Variants in SCGB2B2 observed in about 807,000 individuals in gnomAD.
SCGB2B2 encodes the protein secretoglobin family 2B member 2.
In SCGB2B2, 11 loss-of-function variants were observed where a neutral mutation model predicts 7.6. The ratio of observed to expected loss-of-function variants is 1.45; its 90% confidence interval spans 0.91 to 2.40. SCGB2B2 has a LOEUF of 2.40. SCGB2B2 is among the 30% of genes most tolerant of loss of function. The pLI, the probability that SCGB2B2 is intolerant of heterozygous loss-of-function variation, is 0.00. For synonymous variants in SCGB2B2, 50 were observed against 48.6 expected (o/e 1.03, Z -0.12); for missense variants, 104 against 115.4 (o/e 0.90, Z 0.45).
intron 1 of SCGB2B2, among the ~76,000 whole-genome samples, chr19:34,606,338 A>C (rs1013841514): frequency 6.6e-6 from 1 of 152,080 alleles, no homozygotes; most frequent in African/African-American, 2.4e-5. Context: ...AGTCAGCCAG[A>C]CTCAAAGGCT....
At chr19:34,631,202 C>T (rs2066523320) in intron 1 of SCGB2B2, among the ~76,000 whole-genome samples, 1 of 151,736 alleles carries the variant, frequency 6.6e-6, no homozygotes, top group South Asian at 2.1e-4. Context: ...CAACATGGCA[C>T]ATGTATACAT....
chr19:34,661,792 T>C (rs1250550013), intron 1 of SCGB2B2, among the ~76,000 whole-genome samples: 1 of 152,112 alleles, frequency 6.6e-6, no homozygotes, highest in Non-Finnish European at 1.5e-5. Flanking sequence ...CAACACAAAT[T>C]TGTAAACTTT....
At position 34,593,036 on chromosome 19, in the gene SCGB2B2, A is replaced by G. The variant is rs1245652622; in HGVS notation, c.*519T>C. ...GATTTCCTGGGTTCCGAAAACAGGC[A>G]TATCGACTGGACACAGTGGCTCATG... On this transcript the variant is annotated 3_prime_UTR_variant, in exon 4 of 4. Transcript: ENST00000601241. Among the ~76,000 whole-genome samples the G allele has an allele frequency of 2.0e-5, 3 of 152,138 alleles. No individual in the cohort carries two copies. Among genetic ancestry groups the G allele is most frequent in the Non-Finnish European group, 2.9e-5 (2 of 68,018 alleles).
chr19:34,610,284 G>C (rs981279642), intron 1 of SCGB2B2, among the ~76,000 whole-genome samples: 3 of 151,866 alleles, frequency 2.0e-5, no homozygotes, highest in Non-Finnish European at 2.9e-5. Flanking sequence ...TCCTATCCAG[G>C]CTGTATGCTC....
chr19:34,621,988 G>A (rs780196414), intron 1 of SCGB2B2, among the ~76,000 whole-genome samples: 66 of 152,166 alleles, frequency 4.3e-4, no homozygotes, highest in Admixed American at 9.2e-4. Context: ...CCTGATCTTT[G>A]AGGAGGTGAT....
At chr19:34,670,111 C>T (rs1157519956) in intron 1 of SCGB2B2, among the ~76,000 whole-genome samples, 4 of 152,086 alleles carry the variant, frequency 2.6e-5, no homozygotes, top group African/African-American at 4.8e-5. Context: ...AAGAGGTAAT[C>T]GGGGCTATAG....
chr19:34,651,481 G>C (rs1282127641), intron 1 of SCGB2B2, among the ~76,000 whole-genome samples: 1 of 151,008 alleles, frequency 6.6e-6, no homozygotes, highest in East Asian at 1.9e-4. Context: ...ACCATTCCTG[G>C]ACATCAACAA....
At chr19:34,621,131 A>G (rs1435698524) in intron 1 of SCGB2B2, among the ~76,000 whole-genome samples, 2 of 152,224 alleles carry the variant, frequency 1.3e-5, no homozygotes, top group African/African-American at 4.8e-5. Context: ...TATTTTATCT[A>G]AGTGCTTATT....
Position 34,597,439 on chromosome 19 carries a change from C to T in SCGB2B2, c.-2031-845G>A, listed in dbSNP as rs116501165. On this transcript the variant is annotated intron_variant, in intron 1 of 3. Coordinates refer to ENST00000601241, the MANE Select transcript of SCGB2B2 (RefSeq NM_001025591.4). Reference sequence around the variant, plus strand: ...GTCACCAGGCTGGAGACATCATCTACCTCCCTAGAGGGTTTGATATCAGAC... The same window carrying T: ...GTCACCAGGCTGGAGACATCATCTATCTCCCTAGAGGGTTTGATATCAGAC... Among the ~76,000 whole-genome samples, 1,173 of 120,054 alleles carry T rather than the reference C, an allele frequency of 9.8e-3. 13 individuals carry two copies. Among genetic ancestry groups the T allele is most frequent in the Middle Eastern group, 0.037 (8 of 216 alleles). 78.8% of individuals were successfully genotyped at this position (120,054 alleles called of 152,430 possible).
Position 34,592,257 on chromosome 19 carries a change from G to T in SCGB2B2, c.*1298C>A, listed in dbSNP as rs542811788. 6.6e-6 allele frequency among the ~76,000 whole-genome samples: 1 copy of T among 152,268 alleles called. No individual in the cohort carries two copies. The highest frequency in any genetic ancestry group is 1.5e-5 in the Non-Finnish European group (1 of 68,028). ...AAATCTGGGAGTGCAAAGATAGGGT[G>T]GTCAGCAGTGGAGCCTTGTCCTGGC... On this transcript the variant is annotated 3_prime_UTR_variant, in exon 4 of 4. Coordinates refer to ENST00000601241, the MANE Select transcript of SCGB2B2 (RefSeq NM_001025591.4).
intron 1 of SCGB2B2, among the ~76,000 whole-genome samples, chr19:34,621,393 C>G (rs979004517): frequency 6.6e-6 from 1 of 151,490 alleles, no homozygotes; most frequent in Non-Finnish European, 1.5e-5. Flanking sequence ...ACCTCTAATT[C>G]TTGGGGTTTC....
chr19:34,654,469 AGC>A (rs1271992293), intron 1 of SCGB2B2, among the ~76,000 whole-genome samples: 1 of 151,292 alleles, frequency 6.6e-6, no homozygotes, highest in Non-Finnish European at 1.5e-5. Context: ...ATGTTAATAA[AGC>A]TATTAAAACA....
chr19:34,597,844 G>T (rs1436474041), intron 1 of SCGB2B2, among the ~76,000 whole-genome samples: 1 of 152,218 alleles, frequency 6.6e-6, no homozygotes, highest in Non-Finnish European at 1.5e-5. Context: ...CACATGATGG[G>T]GCCGGTGTGG....
chr19:34,655,977 T>C (rs948233131), intron 1 of SCGB2B2, among the ~76,000 whole-genome samples: 19 of 151,270 alleles, frequency 1.3e-4, no homozygotes, highest in African/African-American at 4.4e-4. Flanking sequence ...AAGCAGGCTA[T>C]GGAATGAAGA....
intron 1 of SCGB2B2, among the ~76,000 whole-genome samples, chr19:34,647,403 C>T (rs2067050055): frequency 6.6e-6 from 1 of 152,180 alleles, no homozygotes; most frequent in Non-Finnish European, 1.5e-5. Context: ...GCAATGGCCA[C>T]CTGTGCCCAT....
At chr19:34,635,493 G>A (rs2066650800) in intron 1 of SCGB2B2, 4 of 298,236 alleles carry the variant, frequency 1.3e-5, no homozygotes, top group African/African-American at 2.2e-5. Context: ...TTTTCTGTAG[G>A]CTTTCCCACA....
chr19:34,608,307 G>C (rs543297213), intron 1 of SCGB2B2, among the ~76,000 whole-genome samples: 24 of 151,384 alleles, frequency 1.6e-4, no homozygotes, highest in African/African-American at 4.9e-4. Context: ...TGTATATTTT[G>C]TATCCTGCAA....
intron 1 of SCGB2B2, chr19:34,635,458 T>C: frequency 3.3e-6 from 1 of 301,884 alleles, no homozygotes; most frequent in Non-Finnish European, 6.9e-6. Context: ...GCGTGAACTT[T>C]CTTGTGTTGA....
At position 34,592,099 on chromosome 19, in the gene SCGB2B2, T is replaced by C. The variant is rs1185802630; in HGVS notation, c.*1456A>G. Among the ~76,000 whole-genome samples the C allele has an allele frequency of 6.6e-6, 1 of 152,040 alleles. No individual in the cohort carries two copies. Among genetic ancestry groups the C allele is most frequent in the African/African-American group, 2.4e-5 (1 of 41,398 alleles). On this transcript the variant is annotated 3_prime_UTR_variant, in exon 4 of 4. Transcript: ENST00000601241. The stretch of plus-strand genomic sequence containing the variant: ...AATTCTGGGGACAGAGGGGAGATGA[T>C]GTGTCCTGAGATGGGGGACTGAAAC...
Sources: allele counts gnomAD v4.1 joint callset (sites outside exome capture counted in the v4.1 genomes callset), GRCh38; gene constraint gnomAD v4.1.1; transcripts MANE v1.5; gene names NCBI Gene and HGNC (gene_info 2026-07-23, HGNC 2026-07-21).